The following VPS16 variants were observed in gnomAD, a reference collection of about 807,000 sequenced individuals.
VPS16 encodes the protein vacuolar protein sorting-associated protein 16 homolog.
VPS16 carries 82 observed loss-of-function variants against 116.0 expected under a neutral mutation model. The observed-to-expected ratio is 0.71, with a 90% confidence interval of 0.59 to 0.85. The LOEUF (loss-of-function observed/expected upper bound fraction) is 0.85. VPS16 is among the 40% of genes least tolerant of loss of function. The pLI is 0.00. For synonymous variants in VPS16, 406 were observed against 420.7 expected, an observed-to-expected ratio of 0.96 and a Z score of 0.43; for missense variants, 928 against 1,090.6, an observed-to-expected ratio of 0.85 and a Z score of 2.10.
At chr20:2,857,017 G>A (rs559221513) in intron 1 of VPS16, among the ~76,000 whole-genome samples, 13 of 146,848 alleles carry the variant, frequency 8.9e-5, no homozygotes, top group South Asian at 4.3e-4. Flanking sequence ...TCCCTCAGTC[G>A]CCCAAGCTGG....
chr20:2,844,961 A>G (rs1162392515), intron 1 of VPS16, among the ~76,000 whole-genome samples: 1 of 151,764 alleles, frequency 6.6e-6, no homozygotes, highest in Non-Finnish European at 1.5e-5. Flanking sequence ...GGGAAGCCTC[A>G]ATTAAAGGAT....
chr20:2,849,001 T>TC (rs2089089217), intron 1 of VPS16, among the ~76,000 whole-genome samples: 1 of 152,158 alleles, frequency 6.6e-6, no homozygotes, highest in Admixed American at 6.5e-5. Flanking sequence ...CTAAGACAGC[T>TC]ACCCCAAGTT....
chr20:2,866,649 T>C lies in VPS16; in HGVS notation c.*75T>C, dbSNP rs1329782961. On this transcript the variant is annotated 3_prime_UTR_variant, in exon 24 of 24. Transcript: ENST00000380445. ...GGCTTGGCAGAAGGGCCATAGTTCA[T>C]CCAGCTCCTCCCCTAGAGCAATGCT... 2.5e-6 allele frequency: 4 copies of C among 1,583,180 alleles called. No individual in the cohort carries two copies. The African/African-American group carries it at 4.0e-5, about 16-fold the overall frequency.
intron 1 of VPS16, among the ~76,000 whole-genome samples, chr20:2,853,248 G>C (rs930354818): frequency 7.2e-5 from 11 of 152,018 alleles, no homozygotes; most frequent in African/African-American, 2.7e-4. Context: ...AAAATTAGCT[G>C]GGTGTGGTGC....
At chr20:2,840,958 C>T (rs1187324876) in intron 1 of VPS16, 131 bp downstream of exon 1, 3 of 882,806 alleles carry the variant, frequency 3.4e-6, no homozygotes, top group African/African-American at 3.5e-5. Flanking sequence ...CCCCGAGCGT[C>T]TGCCACTTAG....
Position 2,866,563 on chromosome 20 carries a change from CAGA to C in VPS16, c.2515_2517del (p.Lys839del). 1.9e-6 allele frequency: 3 copies of C among 1,614,126 alleles called. No individual in the cohort carries two copies. The highest frequency in any genetic ancestry group is 2.7e-5 in the African/African-American group (2 of 75,038). ...GATTCAACGGGCCAGGGCACAAGCCCAGAAGAAGTGAGGAGTCCATCCTGTACA... is the reference window on the plus strand; with the variant it reads ...GATTCAACGGGCCAGGGCACAAGCCCAGAAGTGAGGAGTCCATCCTGTACA... On this transcript the variant is annotated inframe_deletion, in exon 24 of 24. Transcript: ENST00000380445.
Position 2,861,596 on chromosome 20 carries a change from G to A in VPS16, c.810-19G>A. 2.5e-6 allele frequency: 4 copies of A among 1,600,108 alleles called. No individual in the cohort carries two copies. Among genetic ancestry groups the A allele is most frequent in the Non-Finnish European group, 3.4e-6 (4 of 1,174,180 alleles). On this transcript the variant is annotated intron_variant, in intron 8 of 23. Transcript: ENST00000380445. ...GGCCATGGGACAGTGTCTAGCCAGT[G>A]TGTATATGCTGCTCACAGGTGCAGC...
Position 2,866,273 on chromosome 20 carries a change from G to T in VPS16, c.2333G>T (p.Arg778Leu). The T allele has an allele frequency of 6.2e-7, 1 of 1,614,060 alleles. No homozygotes were observed. Among genetic ancestry groups the T allele is most frequent in the Non-Finnish European group, 8.5e-7 (1 of 1,180,022 alleles). The change falls in exon 23 of 24, where the codon CGC becomes CTC. Residue 778 changes from arginine (R) to leucine (L), a missense_variant. Arg to Leu is a moderately radical substitution (Grantham distance 102, BLOSUM62 -2). Coordinates refer to ENST00000380445, the MANE Select transcript of VPS16 (RefSeq NM_022575.4). ...TACGAAGCCAAGAAGTATGCTTCCC[G>T]CGTGGGTCCCGAGCAGAAGGTCAAG... ...NKYEAKKYAS[R>L]VGPEQKVKAL...
At position 2,863,278 on chromosome 20, in the gene VPS16, C is replaced by G; in HGVS notation, c.1368-12C>G. 1 of 1,614,042 alleles carries G rather than the reference C, an allele frequency of 6.2e-7. No individual in the cohort carries two copies. The highest frequency in any genetic ancestry group is 8.5e-7 in the Non-Finnish European group (1 of 1,179,934). ...CTCACTCCTTGTATCCTTTACCCAC[C>G]GGGTCTACCAGGCTCGTGTTGCGGA... On this transcript the variant is annotated splice_polypyrimidine_tract_variant and intron_variant, in intron 14 of 23. Transcript: ENST00000380445. This position sits in a 1 kb window ranked among gnomAD's most constrained non-coding sequence, Gnocchi z 4.4.
In VPS16 at chr20:2,861,255, C is replaced by G. The variant is rs376818050; in HGVS notation, c.784C>G (p.Arg262Gly). Residue 262 changes from arginine to glycine, a missense_variant, in exon 8 of 24, where the codon CGG becomes GGG. By Grantham distance (125) the Arg-to-Gly change is moderately radical. Coordinates refer to ENST00000380445, the MANE Select transcript of VPS16 (RefSeq NM_022575.4). ...GCTATGTGAGTTCAACTGCAACATC[C>G]GGGCACCTCCAAAGCAGATGGTCTG... The part of the protein sequence containing the change: ...EKLCEFNCNI[R>G]APPKQMVWCS... 13 of 1,614,068 alleles carry G rather than the reference C, an allele frequency of 8.1e-6. No individual in the cohort carries two copies. In the South Asian group the frequency reaches 1.4e-4, roughly 18 times the overall value.
chr20:2,840,957 T>C lies in VPS16; in HGVS notation c.53+130T>C, dbSNP rs1240909438. On this transcript the variant is annotated intron_variant, in intron 1 of 23. Coordinates refer to ENST00000380445, the MANE Select transcript of VPS16 (RefSeq NM_022575.4). ...GCCCCGCGCCGGCTCTCCCCGAGCG[T>C]CTGCCACTTAGCGCACAGCCGCCTT... 3 of 883,100 alleles carry C rather than the reference T, an allele frequency of 3.4e-6. No individual in the cohort carries two copies. In the African/African-American group the frequency reaches 5.3e-5, roughly 16 times the overall value. The allele number at this position is 883,100 out of a possible 1,614,324, so 54.7% of individuals were successfully genotyped here.
rs1190925727 is a variant in VPS16 at position 2,861,859 on chromosome 20, C to A, written c.954C>A (p.Ile318=). The A allele has an allele frequency of 6.2e-7, 1 of 1,613,822 alleles. No individual in the cohort carries two copies. The highest frequency in any genetic ancestry group is 8.5e-7 in the Non-Finnish European group (1 of 1,179,976). ...TGCCTGAGCTCGATGGGGTCCGCAT[C>A]TTCTCCCGCAGCACCCACGAGTTCC... The part of the protein sequence containing the change: ...YLVPELDGVR[I]FSRSTHEFLH... Residue 318 remains isoleucine, a synonymous_variant, in exon 10 of 24, where the codon ATC becomes ATA. Transcript: ENST00000380445.
intron 1 of VPS16, 161 bp downstream of exon 1, chr20:2,840,988 A>T (rs1304197443): frequency 1.5e-6 from 1 of 678,928 alleles, no homozygotes; most frequent in African/African-American, 1.9e-5. Context: ...GCCTTTGGGC[A>T]GGGAGCCGGG....
chr20:2,859,779 G>A lies in VPS16; in HGVS notation c.114G>A (p.Val38=), dbSNP rs2089207386. 2.5e-6 allele frequency: 4 copies of A among 1,613,194 alleles called. No individual in the cohort carries two copies. In the South Asian group the frequency reaches 3.3e-5, roughly 13 times the overall value. The change falls in exon 2 of 24, where the codon GTG becomes GTA. Residue 38 remains valine, a synonymous_variant. Coordinates refer to ENST00000380445, the MANE Select transcript of VPS16 (RefSeq NM_022575.4). ...AGGAGGAACTCAGGGATTGCCTGGT[G>A]GCTGCTGCACCCTATGGGGGCCCCA... ...DLKEELRDCL[V]AAAPYGGPIA...
intron 22 of VPS16, 157 bp from the exon 23 acceptor site, chr20:2,866,055 A>G: frequency 1.5e-6 from 1 of 676,186 alleles, no homozygotes; most frequent in East Asian, 2.7e-5. Flanking sequence ...TGAGATCACA[A>G]CTGTCTGTGC....
intron 1 of VPS16, among the ~76,000 whole-genome samples, chr20:2,855,289 T>G (rs1181007585): frequency 9.6e-5 from 4 of 41,664 alleles, no homozygotes; most frequent in African/African-American, 3.4e-4. Context: ...AGGAATCTTG[T>G]TTTTTTTTTT....
chr20:2,862,219 AAG>A (rs2146668432), intron 11 of VPS16, 89 bp downstream of exon 11: 1 of 1,453,462 alleles, frequency 6.9e-7, no homozygotes, highest in African/African-American at 1.4e-5. Flanking sequence ...GCCACCTGTC[AAG>A]AGAGGGGTCC....
At chr20:2,843,828 C>T (rs566951839) in intron 1 of VPS16, among the ~76,000 whole-genome samples, 1 of 152,348 alleles carries the variant, frequency 6.6e-6, no homozygotes, top group East Asian at 1.9e-4. Context: ...GATTAATCTA[C>T]TCTTACCTGT....
chr20:2,853,760 T>A (rs1485895946), intron 1 of VPS16, among the ~76,000 whole-genome samples: 1 of 151,898 alleles, frequency 6.6e-6, no homozygotes, highest in Non-Finnish European at 1.5e-5. Context: ...GCAACCTCCG[T>A]CTCCCGGGTT....
Sources: allele counts gnomAD v4.1 joint callset (sites outside exome capture counted in the v4.1 genomes callset), GRCh38; gene constraint gnomAD v4.1.1; non-coding constraint Gnocchi (gnomAD v3.1); transcripts MANE v1.5; gene names NCBI Gene and HGNC (gene_info 2026-07-23, HGNC 2026-07-21).